SLC4A7: variants seen among roughly 807,000 people sequenced by gnomAD.
The protein encoded by SLC4A7 is solute carrier family 4 member 7.
SLC4A7 carries 51 observed loss-of-function variants against 137.6 expected under a neutral mutation model. The observed-to-expected ratio is 0.37, with a 90% CI of 0.30 to 0.47. The LOEUF (loss-of-function observed/expected upper bound fraction) is 0.47, where lower values mean the gene tolerates loss of function less well. Ranked by LOEUF, SLC4A7 falls within the 20% of genes least tolerant of loss-of-function variation. SLC4A7 has a pLI of 1.00. For synonymous variants in SLC4A7, 542 were observed against 518.6 expected (o/e 1.05, Z -0.61); for missense variants, 1,247 against 1,525.4 (o/e 0.82, Z 3.04).
intron 15 of SLC4A7, among the ~76,000 whole-genome samples, chr3:27,402,622 C>G (rs951568273): frequency 1.3e-5 from 2 of 151,950 alleles, no homozygotes; most frequent in Non-Finnish European, 1.5e-5. Context: ...TCACTTGAAC[C>G]TGGGAGGCAG....
rs188377057 is a variant in SLC4A7, at chr3:27,413,409, T to A, written c.1660-1661A>T. Among the ~76,000 whole-genome samples the A allele has an allele frequency of 1.3e-4, 20 of 152,290 alleles. No individual in the cohort carries two copies. In the East Asian group the frequency reaches 3.9e-3, roughly 29 times the overall value. ...TTAACAAAAATGAAAACTTACAAAC[T>A]TGTTTATGAAACAAGTATATTGATG... On this transcript the variant is annotated intron_variant, in intron 11 of 25. Coordinates refer to ENST00000454389, the MANE Select transcript of SLC4A7 (RefSeq NM_001321103.2).
rs796837283 is a variant in SLC4A7, at chr3:27,376,568, T to C, written c.*196A>G. ...TAAATATTTGAATAGTTAAGAACCATGTACCTCACTTCAAAGAGAGCATTT... is the reference window on the plus strand; with the variant it reads ...TAAATATTTGAATAGTTAAGAACCACGTACCTCACTTCAAAGAGAGCATTT... On this transcript the variant is annotated 3_prime_UTR_variant, in exon 26 of 26. Transcript: ENST00000454389. The C allele has an allele frequency of 1.5e-4, 58 of 375,388 alleles. No homozygotes were observed. Among genetic ancestry groups the C allele is most frequent in the African/African-American group, 1.1e-3 (52 of 47,666 alleles). 23.3% of individuals were successfully genotyped at this position (375,388 alleles called of 1,614,324 possible).
At chr3:27,398,381 A>G in intron 16 of SLC4A7, 28 bp from the exon 17 acceptor site, 1 of 1,575,174 alleles carries the variant, frequency 6.3e-7, no homozygotes. Context: ...GAAAAAGCAG[A>G]ATGGGGGATT....
chr3:27,390,733 A>G (rs2051454016), intron 21 of SLC4A7, among the ~76,000 whole-genome samples: 1 of 152,204 alleles, frequency 6.6e-6, no homozygotes, highest in African/African-American at 2.4e-5. Context: ...CCACTAGCCT[A>G]TGAGTTGGAA....
chr3:27,405,601 G>A (rs1425083989), intron 13 of SLC4A7, among the ~76,000 whole-genome samples: 2 of 152,072 alleles, frequency 1.3e-5, no homozygotes, highest in Non-Finnish European at 2.9e-5. Context: ...AAAAAGAACT[G>A]CTATAAAAAG....
intron 25 of SLC4A7, among the ~76,000 whole-genome samples, chr3:27,378,910 T>C (rs2050153414): frequency 6.6e-6 from 1 of 152,186 alleles, no homozygotes; most frequent in African/African-American, 2.4e-5. Context: ...AGATTATTAT[T>C]ACTATTTTTT....
intron 1 of SLC4A7, among the ~76,000 whole-genome samples, chr3:27,453,301 G>C (rs989505366): frequency 2.0e-4 from 30 of 152,220 alleles, no homozygotes; most frequent in African/African-American, 7.2e-4. Context: ...GCTAGAGAGA[G>C]AACAAATACC....
chr3:27,447,922 A>G (rs188586703), intron 3 of SLC4A7, among the ~76,000 whole-genome samples: 4 of 152,038 alleles, frequency 2.6e-5, no homozygotes, highest in East Asian at 1.9e-4. Context: ...TGTAAGAAGG[A>G]AAAAAACAGC....
At chr3:27,388,204 TTGTC>T (rs2150061992) in intron 22 of SLC4A7, among the ~76,000 whole-genome samples, 1 of 152,324 alleles carries the variant, frequency 6.6e-6, no homozygotes, top group East Asian at 1.9e-4. Flanking sequence ...CAAAGTATCA[TTGTC>T]TATCTACTTA....
intron 1 of SLC4A7, among the ~76,000 whole-genome samples, chr3:27,482,002 ACATGCCTGTAATCC>A (rs1164422606): frequency 6.6e-6 from 1 of 152,132 alleles, no homozygotes; most frequent in Non-Finnish European, 1.5e-5. Flanking sequence ...GTATGGTGGC[ACATGCCTGTAATCC>A]CAGCTACTCG....
intron 3 of SLC4A7, among the ~76,000 whole-genome samples, chr3:27,445,931 C>CAA (rs1164631983): frequency 4.3e-4 from 25 of 58,520 alleles, no homozygotes; most frequent in African/African-American, 8.1e-4. Context: ...GGCTCAGTCT[C>CAA]AAAAAAAAAA....
chr3:27,470,510 T>C (rs2059194072), intron 1 of SLC4A7, among the ~76,000 whole-genome samples: 1 of 151,762 alleles, frequency 6.6e-6, no homozygotes, highest in Non-Finnish European at 1.5e-5. Flanking sequence ...ATATTGAATA[T>C]ATTAATATAT....
At chr3:27,405,015 C>A in intron 13 of SLC4A7, 52 bp from the exon 14 acceptor site, 1 of 1,330,408 alleles carries the variant, frequency 7.5e-7, no homozygotes, top group South Asian at 1.6e-5. Flanking sequence ...AAACATTTCT[C>A]TAACGTACTA....
At chr3:27,392,863 T>C (rs1468179112) in intron 20 of SLC4A7, among the ~76,000 whole-genome samples, 1 of 151,462 alleles carries the variant, frequency 6.6e-6, no homozygotes, top group Non-Finnish European at 1.5e-5. Flanking sequence ...GAAAAAGAAA[T>C]AAGAATGGGA....
At chr3:27,467,115 T>C (rs966812523) in intron 1 of SLC4A7, among the ~76,000 whole-genome samples, 15 of 152,204 alleles carry the variant, frequency 9.9e-5, no homozygotes, top group African/African-American at 1.9e-4. Context: ...CAAGGTCCCA[T>C]TGCTTCAGCT....
chr3:27,411,544 G>C (rs888240362), intron 12 of SLC4A7, 98 bp downstream of exon 12: 8 of 499,024 alleles, frequency 1.6e-5, no homozygotes, highest in African/African-American at 1.0e-4. Flanking sequence ...AAAAAATACT[G>C]TACAAGATTA....
rs1182905489 is a variant in SLC4A7, at chr3:27,427,419, C to T, written c.1151-3267G>A. Among the ~76,000 whole-genome samples the T allele has an allele frequency of 9.4e-4, 143 of 152,020 alleles. 3 individuals are homozygous for T. Among genetic ancestry groups the T allele is most frequent in the Non-Finnish European group, 4.1e-4 (28 of 67,994 alleles). On this transcript the variant is annotated intron_variant, in intron 7 of 25. Transcript: ENST00000454389. ...CCTTCTAAAGTGCTGAGATTACAGG[C>T]ATGAGCTACCATGCCCAGCCACAAG...
chr3:27,439,987 T>G (rs2057061098), intron 3 of SLC4A7, among the ~76,000 whole-genome samples: 1 of 152,366 alleles, frequency 6.6e-6, no homozygotes, highest in South Asian at 2.1e-4. Flanking sequence ...TAGATAGTTG[T>G]ATTGCTTTTC....
In SLC4A7 at chr3:27,389,081, T is replaced by C. The variant is rs140643274; in HGVS notation, c.3360+850A>G. On this transcript the variant is annotated intron_variant, in intron 22 of 25. Transcript: ENST00000454389. ...TCTTTACATGTGCTTGGGAGTGGTT[T>C]ATCCATTATTGATTTTTTTAAAAAA... 5.1e-3 allele frequency among the ~76,000 whole-genome samples: 782 copies of C among 152,244 alleles called. 3 individuals carry two copies. The highest frequency in any genetic ancestry group is 0.018 in the African/African-American group (744 of 41,568).
Sources: gnomAD v4.1 joint callset for allele counts (sites outside exome capture counted in the v4.1 genomes callset) on GRCh38, gnomAD v4.1.1 for gene constraint, MANE v1.5 for transcripts, NCBI Gene and HGNC (gene_info 2026-07-23, HGNC 2026-07-21) for gene names.